Variants in UNC80 observed in about 807,000 individuals in gnomAD.
The protein encoded by UNC80 is unc-80 subunit of NALCN channel complex, also known as protein unc-80 homolog.
UNC80 carries 164 observed loss-of-function variants against 384.6 expected under a neutral mutation model. The observed-to-expected ratio is 0.43, with a 90% confidence interval of 0.38 to 0.49. The LOEUF (loss-of-function observed/expected upper bound fraction) is 0.49, where lower values mean the gene tolerates loss of function less well. Ranked by LOEUF, UNC80 falls within the 20% of genes least tolerant of loss-of-function variation. The probability of loss-of-function intolerance (pLI) is 0.00; values close to 1 mark genes in which losing one functional copy is unlikely to be tolerated. For synonymous variants in UNC80, 1,486 were observed against 1,527.8 expected, an observed-to-expected ratio of 0.97 and a Z score of 0.64; for missense variants, 3,330 against 4,143.0, an observed-to-expected ratio of 0.80 and a Z score of 5.39.
rs1397194531 is a variant in UNC80, at chr2:209,970,914, C to T, written c.8213C>T (p.Pro2738Leu). 1.3e-6 allele frequency: 2 copies of T among 1,551,954 alleles called. No individual in the cohort carries two copies. Among genetic ancestry groups the T allele is most frequent in the Admixed American group, 2.0e-5 (1 of 50,998 alleles). Residue 2738 changes from proline (P) to leucine (L), a missense_variant, in exon 54 of 65, where the codon CCC becomes CTC. Transcript: ENST00000673920. ...HLSPYLSPPL[P>L]FSTAVVRLVA... ...AGCCCTTATCTCTCACCACCTCTGC[C>T]CTTCAGCACAGCTGTTGTCCGGCTT...
chr2:209,964,564 A>G (rs1036567537), intron 51 of UNC80, among the ~76,000 whole-genome samples: 13 of 152,108 alleles, frequency 8.5e-5, no homozygotes, highest in Non-Finnish European at 1.5e-5. Context: ...CGAGTTGGGC[A>G]GATCACAAGG....
intron 4 of UNC80, among the ~76,000 whole-genome samples, chr2:209,780,520 C>G (rs1427655021): frequency 6.6e-6 from 1 of 152,128 alleles, no homozygotes; most frequent in African/African-American, 2.4e-5. Flanking sequence ...GATTTCTCAG[C>G]CTTGGCACTG....
chr2:209,949,685 C>T (rs1163444255), intron 47 of UNC80, among the ~76,000 whole-genome samples: 1 of 152,132 alleles, frequency 6.6e-6, no homozygotes, highest in Non-Finnish European at 1.5e-5. Flanking sequence ...ACCATGTTGA[C>T]CAGGCTGGTC....
intron 13 of UNC80, among the ~76,000 whole-genome samples, chr2:209,822,332 A>G (rs2080195012): frequency 6.6e-6 from 1 of 152,226 alleles, no homozygotes; most frequent in Non-Finnish European, 1.5e-5. Context: ...AAATAATGGT[A>G]TAGATCACAA....
At position 209,816,800 on chromosome 2, in the gene UNC80, C is replaced by T. The variant is rs2079773363; in HGVS notation, c.1336-109C>T. 1.3e-5 allele frequency: 13 copies of T among 1,006,826 alleles called. No homozygotes were observed. In the South Asian group the frequency reaches 1.9e-4, roughly 15 times the overall value. The allele number at this position is 1,006,826 out of a possible 1,614,324, so 62.4% of individuals were successfully genotyped here. A position where few individuals can be genotyped will look rare whatever the true frequency, so the allele number is the denominator to read the frequency against. On this transcript the variant is annotated intron_variant, in intron 9 of 64. Transcript: ENST00000673920. ...TATTCAGTGACTTTCTGGGTCTTCT[C>T]TTCCTGGCACATTTCTTGTATTTTA... is the stretch of plus-strand genomic sequence containing the variant.
chr2:209,887,021 G>A (rs372616280), intron 25 of UNC80, among the ~76,000 whole-genome samples: 5 of 151,694 alleles, frequency 3.3e-5, no homozygotes, highest in African/African-American at 4.8e-5. Flanking sequence ...CCTTTCCTTC[G>A]TCTTTTTATT....
intron 18 of UNC80, among the ~76,000 whole-genome samples, chr2:209,836,314 T>TA (rs1297760257): frequency 5.9e-5 from 9 of 151,928 alleles, no homozygotes; most frequent in Non-Finnish European, 8.8e-5. Context: ...TAAAAGGCTT[T>TA]ATACTCAGAA....
intron 47 of UNC80, among the ~76,000 whole-genome samples, chr2:209,947,938 A>G (rs1559377595): frequency 6.6e-6 from 1 of 152,154 alleles, no homozygotes; most frequent in African/African-American, 2.4e-5. Context: ...TATAGTAGCT[A>G]CTTTTTAATG....
intron 7 of UNC80, among the ~76,000 whole-genome samples, 175 bp downstream of exon 7, chr2:209,794,034 C>A (rs1379510816): frequency 6.6e-6 from 1 of 152,196 alleles, no homozygotes; most frequent in Non-Finnish European, 1.5e-5. Context: ...ATGAATGGCT[C>A]TCCTTTAAAC....
At chr2:209,841,824 G>A (rs567916809) in intron 20 of UNC80, among the ~76,000 whole-genome samples, 1 of 152,126 alleles carries the variant, frequency 6.6e-6, no homozygotes, top group Non-Finnish European at 1.5e-5. Flanking sequence ...CTTCCTTGCT[G>A]TGCGAAAAAT....
At chr2:209,822,135 T>C (rs191658049) in intron 13 of UNC80, among the ~76,000 whole-genome samples, 9 of 152,344 alleles carry the variant, frequency 5.9e-5, no homozygotes, top group Non-Finnish European at 8.8e-5. Context: ...GATCCAAATA[T>C]CCTTGCTCCG....
chr2:209,873,949 C>T (rs1452394959), intron 23 of UNC80, among the ~76,000 whole-genome samples: 1 of 151,184 alleles, frequency 6.6e-6, no homozygotes, highest in East Asian at 2.0e-4. Flanking sequence ...TATATAAAAA[C>T]ATCCTGTTTA....
intron 18 of UNC80, among the ~76,000 whole-genome samples, chr2:209,836,467 A>C (rs2081342647): frequency 6.6e-6 from 1 of 152,236 alleles, no homozygotes; most frequent in South Asian, 2.1e-4. Context: ...CTAGGTTATT[A>C]AGTTTTCTAA....
At chr2:209,946,498 CAGAT>C (rs775776070) in intron 47 of UNC80, among the ~76,000 whole-genome samples, 9 of 152,122 alleles carry the variant, frequency 5.9e-5, no homozygotes, top group Non-Finnish European at 1.3e-4. Context: ...GAATTTTGTG[CAGAT>C]GCTAAGGTAT....
chr2:209,928,654 C>T (rs982775111), intron 36 of UNC80, among the ~76,000 whole-genome samples: 1 of 152,172 alleles, frequency 6.6e-6, no homozygotes, highest in Non-Finnish European at 1.5e-5. Flanking sequence ...TCCTTCACCT[C>T]AAACAGTATT....
chr2:209,812,692 TTGTC>T (rs200977343), intron 7 of UNC80, among the ~76,000 whole-genome samples: 2,020 of 152,264 alleles, frequency 0.013, 128 homozygotes, highest in Admixed American at 0.1. Context: ...TTGTCACTTA[TTGTC>T]TGTCTTTCTT....
At chr2:209,892,121 A>G (rs145419951) in intron 26 of UNC80, among the ~76,000 whole-genome samples, 3 of 152,276 alleles carry the variant, frequency 2.0e-5, no homozygotes, top group South Asian at 2.1e-4. Context: ...TAAGGTGTGT[A>G]TTTATGATTT....
chr2:209,890,009 A>G lies in UNC80; in HGVS notation c.4276+1749A>G, dbSNP rs1322695530. 2.6e-5 allele frequency among the ~76,000 whole-genome samples: 4 copies of G among 152,064 alleles called. No individual in the cohort carries two copies. The East Asian group carries it at 7.7e-4, about 29-fold the overall frequency. ...CAACGTGCCCAGCTACTTGTCTTTT[A>G]TTCTTATTGAAAAAGGACATTCAGA... is the stretch of plus-strand genomic sequence containing the variant. On this transcript the variant is annotated intron_variant, in intron 26 of 64. Coordinates refer to ENST00000673920, the MANE Select transcript of UNC80 (RefSeq NM_001371986.1).
At position 209,872,319 on chromosome 2, in the gene UNC80, C is replaced by T. The variant is rs80042476; in HGVS notation, c.3628-439C>T. On this transcript the variant is annotated intron_variant, in intron 22 of 64. Transcript: ENST00000673920. The surrounding 1 kb of genome is among the most constrained non-coding windows in gnomAD (Gnocchi z 4.1). ...ATTGCTGGTACAAAATTACTTCTGA[C>T]GCTCTTGGTTAAAATAAGACTGGTT... Among the ~76,000 whole-genome samples, 140 of 152,188 alleles carry T rather than the reference C, an allele frequency of 9.2e-4. 1 individual carries two copies. In the East Asian group the frequency reaches 0.019, roughly 21 times the overall value.
Sources: allele counts gnomAD v4.1 joint callset (sites outside exome capture counted in the v4.1 genomes callset), GRCh38; gene constraint gnomAD v4.1.1; non-coding constraint Gnocchi (gnomAD v3.1); transcripts MANE v1.5; gene names NCBI Gene and HGNC (gene_info 2026-07-23, HGNC 2026-07-21).